Variants in DOCK3 observed in about 807,000 individuals in gnomAD.
DOCK3 encodes the protein dedicator of cytokinesis protein 3.
DOCK3 carries 60 observed loss-of-function variants against 265.6 expected under a neutral mutation model. The observed-to-expected ratio is 0.23, with a 90% CI of 0.18 to 0.28. The LOEUF (loss-of-function observed/expected upper bound fraction) is 0.28, where lower values mean the gene tolerates loss of function less well. DOCK3 is among the 10% of genes least tolerant of loss of function. DOCK3 has a pLI of 1.00. For synonymous variants in DOCK3, 881 were observed against 938.0 expected (o/e 0.94, Z 1.11); for missense variants, 1,981 against 2,594.3 (o/e 0.76, Z 5.14).
intron 25 of DOCK3, chr3:51,276,275 A>G: frequency 1.4e-6 from 1 of 730,532 alleles, no homozygotes; most frequent in Non-Finnish European, 1.7e-6. Context: ...TCTTGGCTCC[A>G]GGTAAGACTT....
intron 19 of DOCK3, among the ~76,000 whole-genome samples, chr3:51,230,015 A>G (rs547536129): frequency 3.6e-4 from 55 of 152,308 alleles, no homozygotes; most frequent in African/African-American, 1.0e-3. Context: ...ACTTAGCTTA[A>G]TGTCCTCCAG....
At chr3:51,067,337 G>C (rs2081627672) in intron 6 of DOCK3, among the ~76,000 whole-genome samples, 1 of 151,532 alleles carries the variant, frequency 6.6e-6, no homozygotes, top group Non-Finnish European at 1.5e-5. Context: ...AGTTCAAATT[G>C]TACTTGAAAA....
intron 49 of DOCK3, among the ~76,000 whole-genome samples, chr3:51,366,583 G>C (rs1171075824): frequency 6.6e-6 from 1 of 151,904 alleles, no homozygotes; most frequent in Non-Finnish European, 1.5e-5. Flanking sequence ...GTGATGTTAG[G>C]GTGTCAATTT....
chr3:50,959,554 GTGTGTATA>G (rs2076827045), intron 5 of DOCK3, among the ~76,000 whole-genome samples: 1 of 143,008 alleles, frequency 7.0e-6, no homozygotes, highest in Non-Finnish European at 1.5e-5. Flanking sequence ...GTGTGTGTGT[GTGTGTATA>G]TATATATAAA....
At chr3:50,750,152 T>G (rs985124659) in intron 1 of DOCK3, among the ~76,000 whole-genome samples, 2 of 152,064 alleles carry the variant, frequency 1.3e-5, no homozygotes, top group Middle Eastern at 3.2e-3. Context: ...TGCATGCTCC[T>G]TATGAGAATC....
intron 5 of DOCK3, among the ~76,000 whole-genome samples, chr3:50,981,706 A>G (rs1300971104): frequency 6.6e-6 from 1 of 152,078 alleles, no homozygotes; most frequent in African/African-American, 2.4e-5. Flanking sequence ...GACTTTCTTT[A>G]TCTCTTTTTA....
intron 13 of DOCK3, among the ~76,000 whole-genome samples, chr3:51,211,001 A>C (rs2089468044): frequency 6.6e-6 from 1 of 152,246 alleles, no homozygotes; most frequent in Non-Finnish European, 1.5e-5. Context: ...CAGTTCCAGT[A>C]GTAGCATGAA....
chr3:51,003,425 A>G (rs2078554932), intron 5 of DOCK3, among the ~76,000 whole-genome samples: 1 of 152,224 alleles, frequency 6.6e-6, no homozygotes, highest in African/African-American at 2.4e-5. Context: ...AAACTTAAAA[A>G]CATCTAGAGA....
chr3:51,201,599 A>T (rs2108014369), intron 12 of DOCK3, among the ~76,000 whole-genome samples: 1 of 152,312 alleles, frequency 6.6e-6, no homozygotes, highest in East Asian at 1.9e-4. Context: ...CACTGTCAAC[A>T]TTAGACAGAT....
At chr3:51,051,612 G>A (rs2080996742) in intron 5 of DOCK3, among the ~76,000 whole-genome samples, 1 of 152,182 alleles carries the variant, frequency 6.6e-6, no homozygotes, top group South Asian at 2.1e-4. Flanking sequence ...GCAGAGTTGA[G>A]ATAGAAAACC....
intron 1 of DOCK3, among the ~76,000 whole-genome samples, chr3:50,755,004 G>T (rs1031020200): frequency 2.6e-5 from 4 of 152,266 alleles, no homozygotes; most frequent in Admixed American, 2.6e-4. Context: ...TATCAAAATT[G>T]CAGCAAAAGC....
At chr3:50,964,935 A>C (rs1198348854) in intron 5 of DOCK3, among the ~76,000 whole-genome samples, 1 of 152,128 alleles carries the variant, frequency 6.6e-6, no homozygotes, top group Non-Finnish European at 1.5e-5. Flanking sequence ...AAAATCTGAA[A>C]GAAGAACTTA....
rs2088756273 is a variant in DOCK3, at chr3:51,382,987, T to C, written c.*1428T>C. 6.6e-6 allele frequency: 1 copy of C among 152,166 alleles called. No individual in the cohort carries two copies. The highest frequency in any genetic ancestry group is 2.4e-5 in the African/African-American group (1 of 41,414). The allele number at this position is 152,166 out of a possible 1,614,324, so 9.4% of individuals were successfully genotyped here. On this transcript the variant is annotated 3_prime_UTR_variant, in exon 53 of 53. Coordinates refer to ENST00000266037, the MANE Select transcript of DOCK3 (RefSeq NM_004947.5). The stretch of plus-strand genomic sequence containing the variant: ...AAAATATTTTTTTTCTTTTATTTGC[T>C]CGAGTTCACATTAATGATGGTCACA...
intron 4 of DOCK3, among the ~76,000 whole-genome samples, chr3:50,919,349 A>G (rs2050305754): frequency 6.6e-6 from 1 of 152,130 alleles, no homozygotes; most frequent in Non-Finnish European, 1.5e-5. Flanking sequence ...CTTGGGCACT[A>G]TGGCCATTTT....
At position 51,303,961 on chromosome 3, in the gene DOCK3, G is replaced by T. The variant is rs534253190; in HGVS notation, c.2923-6271G>T. Among the ~76,000 whole-genome samples, 14 of 152,312 alleles carry T rather than the reference G, an allele frequency of 9.2e-5. No individual in the cohort carries two copies. The South Asian group carries it at 2.7e-3, about 29-fold the overall frequency. ...CTTGGCAGAGGGGGTGTGCTGTGCTGGGGGGAATCCCACTTGTCTGGGCTG... is the reference window on the plus strand; with the variant it reads ...CTTGGCAGAGGGGGTGTGCTGTGCTTGGGGGAATCCCACTTGTCTGGGCTG... On this transcript the variant is annotated intron_variant, in intron 27 of 52. Coordinates refer to ENST00000266037, the MANE Select transcript of DOCK3 (RefSeq NM_004947.5).
At chr3:51,250,578 C>T (rs533957111) in intron 22 of DOCK3, among the ~76,000 whole-genome samples, 19 of 152,272 alleles carry the variant, frequency 1.2e-4, no homozygotes, top group Admixed American at 8.5e-4. Flanking sequence ...AAGATTGTGC[C>T]GCTGCACTCC....
chr3:51,266,691 G>T (rs996443970), intron 23 of DOCK3, among the ~76,000 whole-genome samples: 2 of 152,134 alleles, frequency 1.3e-5, no homozygotes, highest in Admixed American at 1.3e-4. Context: ...ATGTATTAAA[G>T]ACTTAAACAT....
At position 50,699,358 on chromosome 3, in the gene DOCK3, C is replaced by A. The variant is rs115817597; in HGVS notation, c.37+24058C>A. ...AAAATCAGGAAGTTGAGCCTTCCAACTTTGTGCTTATTTTTCAATATTATT... is the reference window on the plus strand; with the variant it reads ...AAAATCAGGAAGTTGAGCCTTCCAAATTTGTGCTTATTTTTCAATATTATT... On this transcript the variant is annotated intron_variant, in intron 1 of 52. Transcript: ENST00000266037. Among the ~76,000 whole-genome samples, 417 of 152,000 alleles carry A rather than the reference C, an allele frequency of 2.7e-3. 1 individual carries two copies. Among genetic ancestry groups the A allele is most frequent in the African/African-American group, 9.6e-3 (399 of 41,448 alleles).
At position 51,034,656 on chromosome 3, in the gene DOCK3, C is replaced by T. The variant is rs1559969112; in HGVS notation, c.316-29792C>T. ...TAAAGAAATCAATAGCAAAAATAGT[C>T]CTCAATATTTATCCATACATTTACT... On this transcript the variant is annotated intron_variant, in intron 5 of 52. Transcript: ENST00000266037. 2.6e-5 allele frequency among the ~76,000 whole-genome samples: 4 copies of T among 152,004 alleles called. No individual in the cohort carries two copies. In the South Asian group the frequency reaches 8.3e-4, roughly 32 times the overall value.
Sources: allele counts gnomAD v4.1 joint callset (sites outside exome capture counted in the v4.1 genomes callset), GRCh38; gene constraint gnomAD v4.1.1; transcripts MANE v1.5; gene names NCBI Gene and HGNC (gene_info 2026-07-23, HGNC 2026-07-21).